The following CFDP1 variants were observed in gnomAD, a reference collection of about 807,000 sequenced individuals.
The protein encoded by CFDP1 is heterochromatin-stabilizing protein CFDP1.
CFDP1 carries 31 observed loss-of-function variants against 40.1 expected under a neutral mutation model. The observed-to-expected ratio is 0.77, with a 90% CI of 0.58 to 1.04. The LOEUF (loss-of-function observed/expected upper bound fraction) is 1.04. Ranked by LOEUF, CFDP1 falls within the 50% of genes least tolerant of loss-of-function variation. CFDP1 has a pLI of 0.00. For synonymous variants in CFDP1, 167 were observed against 120.0 expected (o/e 1.39, Z -2.56); for missense variants, 423 against 343.4 (o/e 1.23, Z -1.83).
chr16:75,327,849 G>A (rs1249968741), intron 5 of CFDP1, among the ~76,000 whole-genome samples: 6 of 151,904 alleles, frequency 3.9e-5, no homozygotes, highest in African/African-American at 7.3e-5. Context: ...TCAGCCTCCC[G>A]AATAGCTGGG....
chr16:75,330,980 A>C (rs3975399), intron 5 of CFDP1, among the ~76,000 whole-genome samples: 6 of 99,428 alleles, frequency 6.0e-5, no homozygotes, highest in Non-Finnish European at 7.3e-5. Flanking sequence ...AAAAAAAAAA[A>C]AAAAACACAA....
intron 5 of CFDP1, among the ~76,000 whole-genome samples, chr16:75,320,149 C>T (rs1389021142): frequency 6.6e-6 from 1 of 152,184 alleles, no homozygotes; most frequent in Non-Finnish European, 1.5e-5. Context: ...GTTGCTAAAA[C>T]AGCCTTTTCA....
intron 5 of CFDP1, among the ~76,000 whole-genome samples, chr16:75,394,508 A>G (rs1461133581): frequency 1.3e-5 from 2 of 152,198 alleles, no homozygotes; most frequent in African/African-American, 2.4e-5. Flanking sequence ...GCAAATCTTC[A>G]TGAAAAGTTC....
intron 5 of CFDP1, among the ~76,000 whole-genome samples, chr16:75,314,618 A>G (rs1054445411): frequency 1.3e-5 from 2 of 152,234 alleles, no homozygotes; most frequent in African/African-American, 4.8e-5. Context: ...ATAGACTGGC[A>G]TGGGAATTAT....
chr16:75,416,740 C>A (rs947832174), intron 1 of CFDP1, among the ~76,000 whole-genome samples: 1 of 151,908 alleles, frequency 6.6e-6, no homozygotes, highest in Non-Finnish European at 1.5e-5. Flanking sequence ...AGAGCAAGAC[C>A]CTGTCTCAAA....
chr16:75,382,854 T>G (rs1403490153), intron 5 of CFDP1, among the ~76,000 whole-genome samples: 2 of 151,524 alleles, frequency 1.3e-5, no homozygotes, highest in African/African-American at 4.8e-5. Flanking sequence ...TTGTTTCCAC[T>G]TCCTACAGGC....
At position 75,395,297 on chromosome 16, in the gene CFDP1, G is replaced by A; in HGVS notation, c.531-88C>T. The A allele has an allele frequency of 3.0e-6, 4 of 1,346,794 alleles. No homozygotes were observed. In the South Asian group the frequency reaches 5.3e-5, roughly 18 times the overall value. The allele number at this position is 1,346,794 out of a possible 1,614,324, so 83.4% of individuals were successfully genotyped here. On this transcript the variant is annotated intron_variant, in intron 4 of 6. Transcript: ENST00000283882. ...AAGGGAATAAAGACAACTAGAAAAAGATCCACTCGGCTTCCAATAAATTCT... is the reference window on the plus strand; with the variant it reads ...AAGGGAATAAAGACAACTAGAAAAAAATCCACTCGGCTTCCAATAAATTCT...
chr16:75,430,916 C>T (rs2079405693), intron 1 of CFDP1, among the ~76,000 whole-genome samples: 1 of 152,152 alleles, frequency 6.6e-6, no homozygotes, highest in South Asian at 2.1e-4. Flanking sequence ...CCCATCATGG[C>T]CCAAAACAGT....
At chr16:75,384,900 T>TATATATATATATATATA (rs1567665491) in intron 5 of CFDP1, among the ~76,000 whole-genome samples, 1 of 113,100 alleles carries the variant, frequency 8.8e-6, no homozygotes, top group African/African-American at 3.7e-5. Context: ...ATATATATAT[T>TATATATATATATATATA]GCAGACCAGT....
chr16:75,415,292 T>G (rs1222623285), intron 1 of CFDP1, among the ~76,000 whole-genome samples: 1 of 152,214 alleles, frequency 6.6e-6, no homozygotes, highest in African/African-American at 2.4e-5. Context: ...CCACATGCTG[T>G]GGGTACCAGT....
At chr16:75,411,752 T>C in intron 4 of CFDP1, 73 bp downstream of exon 4, 1 of 1,390,314 alleles carries the variant, frequency 7.2e-7, no homozygotes, top group Non-Finnish European at 1.0e-6. Flanking sequence ...AGAGGATAGA[T>C]GGCTAACACC....
chr16:75,424,095 T>C (rs971854918), intron 1 of CFDP1, among the ~76,000 whole-genome samples: 5 of 151,912 alleles, frequency 3.3e-5, no homozygotes, highest in Non-Finnish European at 7.4e-5. Flanking sequence ...AATCAATAGA[T>C]GGAGAAAAAG....
intron 1 of CFDP1, among the ~76,000 whole-genome samples, chr16:75,421,146 G>A (rs1051420467): frequency 6.6e-6 from 1 of 152,166 alleles, no homozygotes; most frequent in Non-Finnish European, 1.5e-5. Flanking sequence ...TTGCAGCGGG[G>A]AGGAGCCCGG....
chr16:75,433,165 C>G (rs185052), intron 1 of CFDP1, 124 bp downstream of exon 1: 2 of 863,290 alleles, frequency 2.3e-6, no homozygotes, highest in Admixed American at 5.1e-5. Flanking sequence ...GGAGCGGACG[C>G]TCGAGAACAG....
At chr16:75,310,319 T>A (rs1244490767) in intron 5 of CFDP1, among the ~76,000 whole-genome samples, 1 of 152,168 alleles carries the variant, frequency 6.6e-6, no homozygotes, top group Non-Finnish European at 1.5e-5. Context: ...TTTGTTCAGT[T>A]ATCCATCAAT....
chr16:75,421,741 G>T lies in CFDP1; in HGVS notation c.65-7046C>A, dbSNP rs144072448. Among the ~76,000 whole-genome samples, 420 of 152,156 alleles carry T rather than the reference G, an allele frequency of 2.8e-3. 2 individuals carry two copies. The highest frequency in any genetic ancestry group is 8.4e-3 in the African/African-American group (350 of 41,532). On this transcript the variant is annotated intron_variant, in intron 1 of 6. Transcript: ENST00000283882. Reference sequence around the variant, plus strand: ...TTATCTGATACTAAAATCACACAAGGAAATTACCAAAAAACTACAGATCGA... The same window carrying T: ...TTATCTGATACTAAAATCACACAAGTAAATTACCAAAAAACTACAGATCGA...
intron 4 of CFDP1, among the ~76,000 whole-genome samples, chr16:75,410,325 A>G (rs1445258320): frequency 1.3e-5 from 2 of 152,122 alleles, no homozygotes; most frequent in African/African-American, 4.8e-5. Flanking sequence ...CTATTTTCAC[A>G]TAATAAAATT....
chr16:75,312,062 C>G (rs2078296258), intron 5 of CFDP1, among the ~76,000 whole-genome samples: 1 of 152,286 alleles, frequency 6.6e-6, no homozygotes, highest in South Asian at 2.1e-4. Flanking sequence ...TTCTCTTTCG[C>G]ATTTTCTCTG....
intron 4 of CFDP1, among the ~76,000 whole-genome samples, chr16:75,407,360 G>A (rs960691026): frequency 6.6e-6 from 1 of 152,036 alleles, no homozygotes; most frequent in African/African-American, 2.4e-5. Flanking sequence ...AGAATGTTTT[G>A]AATTGTATTT....
Sources: allele counts gnomAD v4.1 joint callset (sites outside exome capture counted in the v4.1 genomes callset), GRCh38; gene constraint gnomAD v4.1.1; transcripts MANE v1.5; gene names NCBI Gene and HGNC (gene_info 2026-07-23, HGNC 2026-07-21).